The following CACNG2 variants were observed in gnomAD, a reference collection of about 807,000 sequenced individuals.
The protein encoded by CACNG2 is calcium voltage-gated channel auxiliary subunit gamma 2.
Under a neutral mutation model 25.9 loss-of-function variants are expected in CACNG2, and 3 were observed. The ratio of observed to expected loss-of-function variants is 0.12; its 90% CI spans 0.05 to 0.30. CACNG2 has a LOEUF of 0.30. Ranked by LOEUF, CACNG2 falls within the 10% of genes least tolerant of loss-of-function variation. The pLI is 1.00. For missense variants in CACNG2, 341 were observed against 432.5 expected, an observed-to-expected ratio of 0.79 and a Z score of 1.88; for synonymous variants, 167 against 173.3, an observed-to-expected ratio of 0.96 and a Z score of 0.29.
chr22:36,666,991 A>AC (rs1569046033), intron 1 of CACNG2, among the ~76,000 whole-genome samples: 2 of 134,402 alleles, frequency 1.5e-5, no homozygotes, highest in African/African-American at 5.4e-5. Flanking sequence ...TGGGATCACC[A>AC]TTTTTTTTTT....
chr22:36,678,246 G>C (rs963554520), intron 1 of CACNG2, among the ~76,000 whole-genome samples: 2 of 152,144 alleles, frequency 1.3e-5, no homozygotes, highest in African/African-American at 4.8e-5. Context: ...CCCCGTCCTG[G>C]CTGAAATTTA....
At chr22:36,645,902 T>G (rs1182882533) in intron 1 of CACNG2, among the ~76,000 whole-genome samples, 2 of 152,234 alleles carry the variant, frequency 1.3e-5, no homozygotes, top group African/African-American at 4.8e-5. Context: ...TATTTTAATA[T>G]AAAATTACCT....
intron 1 of CACNG2, among the ~76,000 whole-genome samples, chr22:36,672,678 A>G (rs530066660): frequency 2.1e-4 from 32 of 152,236 alleles, no homozygotes; most frequent in Middle Eastern, 3.4e-3. Context: ...CTTCTCCAGG[A>G]TCCCTGCAAA....
At chr22:36,675,914 C>T (rs1937013252) in intron 1 of CACNG2, among the ~76,000 whole-genome samples, 1 of 152,242 alleles carries the variant, frequency 6.6e-6, no homozygotes, top group Non-Finnish European at 1.5e-5. Flanking sequence ...TCCACCATGA[C>T]AGCCCTGTCT....
At chr22:36,577,821 T>C (rs562612475) in intron 2 of CACNG2, among the ~76,000 whole-genome samples, 1 of 152,088 alleles carries the variant, frequency 6.6e-6, no homozygotes, top group Admixed American at 6.5e-5. Flanking sequence ...GGGGTCACAA[T>C]AGTTTTAGCC....
intron 1 of CACNG2, among the ~76,000 whole-genome samples, chr22:36,604,730 C>T (rs1022279672): frequency 2.0e-5 from 3 of 152,194 alleles, no homozygotes; most frequent in African/African-American, 7.2e-5. Context: ...ACATTGTTTT[C>T]TCAGACATAA....
chr22:36,630,839 T>C (rs1033534102), intron 1 of CACNG2, among the ~76,000 whole-genome samples: 2 of 152,026 alleles, frequency 1.3e-5, no homozygotes. Flanking sequence ...GAGCTATTTG[T>C]TTATTTATTG....
At chr22:36,690,547 C>T (rs560435209) in intron 1 of CACNG2, among the ~76,000 whole-genome samples, 11 of 152,164 alleles carry the variant, frequency 7.2e-5, no homozygotes, top group African/African-American at 1.2e-4. Flanking sequence ...GCCGGCACCT[C>T]GGTAAGCACT....
chr22:36,607,518 A>T (rs59992053), intron 1 of CACNG2, among the ~76,000 whole-genome samples: 3,769 of 152,296 alleles, frequency 0.025, 159 homozygotes, highest in African/African-American at 0.087. Flanking sequence ...TGCTGGGATT[A>T]CAGATGTGAG....
At chr22:36,625,450 C>T (rs748073460) in intron 1 of CACNG2, among the ~76,000 whole-genome samples, 1 of 152,170 alleles carries the variant, frequency 6.6e-6, no homozygotes, top group South Asian at 2.1e-4. Flanking sequence ...GGCACTGCTA[C>T]CCCTTCTTTG....
intron 1 of CACNG2, among the ~76,000 whole-genome samples, chr22:36,593,533 G>A (rs1162313117): frequency 6.6e-6 from 1 of 152,192 alleles, no homozygotes; most frequent in Non-Finnish European, 1.5e-5. Context: ...TGCAGGGGCG[G>A]TGGTGTCCTT....
At chr22:36,700,701 T>C (rs922492354) in intron 1 of CACNG2, among the ~76,000 whole-genome samples, 4 of 152,204 alleles carry the variant, frequency 2.6e-5, no homozygotes, top group Non-Finnish European at 5.9e-5. Flanking sequence ...AGGGGGCGTG[T>C]GTGTGCATGT....
At chr22:36,568,899 C>T (rs1935176241) in intron 2 of CACNG2, among the ~76,000 whole-genome samples, 1 of 151,842 alleles carries the variant, frequency 6.6e-6, no homozygotes, top group South Asian at 2.1e-4. Flanking sequence ...GGTGGCTGGG[C>T]TACTCTGCAG....
At chr22:36,592,611 A>T (rs1185056344) in intron 1 of CACNG2, among the ~76,000 whole-genome samples, 2 of 152,208 alleles carry the variant, frequency 1.3e-5, no homozygotes, top group African/African-American at 2.4e-5. Flanking sequence ...TGATTCATCA[A>T]ATTATTCTAA....
rs1269609653 is a variant in CACNG2, at chr22:36,703,165, C to T, written c.-589G>A. ...GGCGCTTTCGTTTCAGACCAGACTT[C>T]CCAGTATTCTGTAAGCCCTTGAGCT... is the stretch of plus-strand genomic sequence containing the variant. On this transcript the variant is annotated 5_prime_UTR_variant, in exon 1 of 4. Transcript: ENST00000300105. 23 of 155,640 alleles carry T rather than the reference C, an allele frequency of 1.5e-4. No homozygotes were observed. The highest frequency in any genetic ancestry group is 1.0e-3 in the South Asian group (6 of 5,760). The allele number at this position is 155,640 out of a possible 1,614,324, so 9.6% of individuals were successfully genotyped here.
At chr22:36,695,449 G>A (rs1207390442) in intron 1 of CACNG2, among the ~76,000 whole-genome samples, 1 of 151,458 alleles carries the variant, frequency 6.6e-6, no homozygotes, top group Non-Finnish European at 1.5e-5. Flanking sequence ...ACTTCCACTT[G>A]CCCCTCCCAC....
chr22:36,643,474 GTCTATCTATCTATCTATCTA>G (rs66945856), intron 1 of CACNG2, among the ~76,000 whole-genome samples: 8 of 149,132 alleles, frequency 5.4e-5, no homozygotes, highest in Non-Finnish European at 1.2e-4. Context: ...CTATCTGTCT[GTCTATCTATCTATCTATCTA>G]TCTATCTATC....
At chr22:36,566,265 C>G in intron 3 of CACNG2, 88 bp downstream of exon 3, 1 of 1,309,932 alleles carries the variant, frequency 7.6e-7, no homozygotes, top group South Asian at 1.2e-5. Flanking sequence ...TCCTCTCTCC[C>G]CATCTCTCTC....
intron 1 of CACNG2, among the ~76,000 whole-genome samples, chr22:36,691,465 G>T (rs1184978324): frequency 6.6e-6 from 1 of 152,198 alleles, no homozygotes; most frequent in Non-Finnish European, 1.5e-5. Context: ...AGCTCAAAAT[G>T]CTGAAGACTT....
Sources: gnomAD v4.1 joint callset for allele counts (sites outside exome capture counted in the v4.1 genomes callset) on GRCh38, gnomAD v4.1.1 for gene constraint, MANE v1.5 for transcripts, NCBI Gene and HGNC (gene_info 2026-07-23, HGNC 2026-07-21) for gene names.